Variants in RPS6KB2 observed in about 807,000 individuals in gnomAD.
RPS6KB2 encodes ribosomal protein S6 kinase B2.
A neutral mutation model predicts 58.2 loss-of-function variants in RPS6KB2; 51 were observed. That is an observed-to-expected ratio of 0.88 (90% confidence interval 0.70 to 1.11). The LOEUF is 1.11. Among genes scored for constraint, RPS6KB2 ranks in the 50% least tolerant of loss-of-function variants. The pLI is 0.00. For synonymous variants in RPS6KB2, 293 were observed against 258.6 expected, an observed-to-expected ratio of 1.13 and a Z score of -1.28; for missense variants, 671 against 655.8, an observed-to-expected ratio of 1.02 and a Z score of -0.25.
chr11:67,429,003 T>A lies in RPS6KB2; in HGVS notation c.100T>A (p.Leu34Met). 6.2e-7 allele frequency: 1 copy of A among 1,613,608 alleles called. No homozygotes were observed. The highest frequency in any genetic ancestry group is 8.5e-7 in the Non-Finnish European group (1 of 1,179,886). ...SPADACPLAELRAAGLEPVGH... is the reference protein window; with the variant it reads ...SPADACPLAEMRAAGLEPVGH... ...ACAGGACGCATGTCCCCTTGCCGAG[T>A]TGAGGGCAGCTGGCCTAGAGTGAGT... The change falls in exon 2 of 15, where the codon TTG becomes ATG. Residue 34 changes from leucine to methionine, a missense_variant. Transcript: ENST00000312629.
At chr11:67,433,247 C>A (rs1565147429) in intron 9 of RPS6KB2, 31 bp downstream of exon 9, 3 of 1,606,218 alleles carry the variant, frequency 1.9e-6, no homozygotes, top group Non-Finnish European at 2.5e-6. Context: ...GGAGGAGGGG[C>A]AGGGGCAGAG....
chr11:67,434,342 C>A (rs982475252), intron 12 of RPS6KB2, 35 bp from the exon 13 acceptor site: 1 of 1,608,402 alleles, frequency 6.2e-7, no homozygotes, highest in East Asian at 2.2e-5. Context: ...CATCTTGGTG[C>A]CCTCTGACCC....
At position 67,429,224 on chromosome 11, in the gene RPS6KB2, A is replaced by AG; in HGVS notation, c.230dup (p.Tyr78LeufsTer42). On this transcript the variant is annotated frameshift_variant, in exon 3 of 15. Transcript: ENST00000312629. LOFTEE classifies it high-confidence loss of function. ...TTTGAGCTGCTGCGTGTGCTGGGCA[A>AG]GGGGGGCTATGGCAAGGTAGGGGCG... 3 of 1,613,362 alleles carry AG rather than the reference A, an allele frequency of 1.9e-6. No homozygotes were observed. The highest frequency in any genetic ancestry group is 8.5e-7 in the Non-Finnish European group (1 of 1,179,996).
At chr11:67,433,301 G>A in intron 9 of RPS6KB2, 39 bp from the exon 10 acceptor site, 2 of 1,603,890 alleles carry the variant, frequency 1.2e-6, no homozygotes, top group Non-Finnish European at 1.7e-6. Flanking sequence ...GGCCTGGTGG[G>A]AGGCCCACAA....
At position 67,433,456 on chromosome 11, in the gene RPS6KB2, C is replaced by T. The variant is rs780784755; in HGVS notation, c.906+9C>T. Reference sequence around the variant, plus strand: ...GGGACCTTGTCAAAAAGGTGCAGCTCCCTTCTCTCTTCTCCGGGGCCCTGC... The same window carrying T: ...GGGACCTTGTCAAAAAGGTGCAGCTTCCTTCTCTCTTCTCCGGGGCCCTGC... On this transcript the variant is annotated intron_variant, in intron 10 of 14. Transcript: ENST00000312629. 1.9e-6 allele frequency: 3 copies of T among 1,591,896 alleles called. No homozygotes were observed. Among genetic ancestry groups the T allele is most frequent in the Non-Finnish European group, 2.6e-6 (3 of 1,159,844 alleles).
rs753125285 is a variant in RPS6KB2 at position 67,432,626 on chromosome 11, C to T, written c.484C>T (p.Arg162Ter). The change falls in exon 6 of 15, where the codon CGA becomes TGA. Residue 162 changes from arginine to a stop codon, truncating the protein, a stop_gained. Transcript: ENST00000312629. LOFTEE classifies it high-confidence loss of function. ...TGGCGAGCTCTTCACGCATCTGGAG[C>T]GAGAGGGCATCTTCCTGGAAGATAC... ...SGGELFTHLE[R>*]EGIFLEDTAC... 3.7e-5 allele frequency: 60 copies of T among 1,614,054 alleles called. No individual in the cohort carries two copies. The South Asian group carries it at 5.3e-4, about 14-fold the overall frequency.
At position 67,429,242 on chromosome 11, in the gene RPS6KB2, T is replaced by C. The variant is rs1226827206; in HGVS notation, c.240+2T>C. 1 of 1,612,518 alleles carries C rather than the reference T, an allele frequency of 6.2e-7. No homozygotes were observed. The highest frequency in any genetic ancestry group is 8.5e-7 in the Non-Finnish European group (1 of 1,179,952). ...CTGGGCAAGGGGGGCTATGGCAAGG[T>C]AGGGGCGGGCGCACCCTCCTCCTGG... On this transcript the variant is annotated splice_donor_variant, in intron 3 of 14. Coordinates refer to ENST00000312629, the MANE Select transcript of RPS6KB2 (RefSeq NM_003952.3). LOFTEE classifies it high-confidence loss of function.
chr11:67,431,534 G>A lies in RPS6KB2; in HGVS notation c.457+19G>A, dbSNP rs755012300. On this transcript the variant is annotated intron_variant, in intron 5 of 14. Coordinates refer to ENST00000312629, the MANE Select transcript of RPS6KB2 (RefSeq NM_003952.3). ...CTCAGTGGTATGAGTGCGGGCCCAGGCAGGGGTGCTGGGGGTCGCGGGGGG... is the reference window on the plus strand; with the variant it reads ...CTCAGTGGTATGAGTGCGGGCCCAGACAGGGGTGCTGGGGGTCGCGGGGGG... The A allele has an allele frequency of 5.0e-6, 8 of 1,611,352 alleles. No homozygotes were observed. Among genetic ancestry groups the A allele is most frequent in the Non-Finnish European group, 5.1e-6 (6 of 1,178,114 alleles).
At chr11:67,434,333 A>C (rs770382315) in intron 12 of RPS6KB2, 44 bp from the exon 13 acceptor site, 1 of 1,610,264 alleles carries the variant, frequency 6.2e-7, no homozygotes, top group East Asian at 2.2e-5. Flanking sequence ...GAGAACCTGC[A>C]TCTTGGTGCC....
intron 14 of RPS6KB2, 123 bp downstream of exon 14, chr11:67,434,817 C>A (rs976679062): frequency 1.5e-5 from 15 of 997,372 alleles, no homozygotes; most frequent in African/African-American, 4.9e-5. Flanking sequence ...CTGTGTCTAT[C>A]ATGGGGACCT....
chr11:67,434,451 AG>A lies in RPS6KB2; in HGVS notation c.1123del (p.Ala375ProfsTer119), dbSNP rs1565148830. ...CGCCGGTGGACAGTCCTGATGACAC[AG>A]CCCTCAGCGAGAGTGCCAACCAGGC... Reference protein sequence around the residue: ...QTPVDSPDDTALSESANQAFL... With the variant: ...QTPVDSPDDTXLSESANQAFL... On this transcript the variant is annotated frameshift_variant, in exon 13 of 15. Transcript: ENST00000312629. LOFTEE classifies it high-confidence loss of function. 1 of 1,612,816 alleles carries A rather than the reference AG, an allele frequency of 6.2e-7. No individual in the cohort carries two copies. The highest frequency in any genetic ancestry group is 2.2e-5 in the East Asian group (1 of 44,888).
chr11:67,431,998 G>A (rs1864038176), intron 5 of RPS6KB2: 1 of 292,312 alleles, frequency 3.4e-6, no homozygotes, highest in Non-Finnish European at 6.7e-6. Context: ...GACTGCTGAG[G>A]TCATAGAGCC....
chr11:67,432,946 C>T lies in RPS6KB2; in HGVS notation c.617-6C>T, dbSNP rs774797981. The T allele has an allele frequency of 1.2e-6, 2 of 1,613,284 alleles. No homozygotes were observed. The highest frequency in any genetic ancestry group is 1.3e-5 in the African/African-American group (1 of 75,060). On this transcript the variant is annotated splice_polypyrimidine_tract_variant and splice_region_variant and intron_variant, in intron 7 of 14. Transcript: ENST00000312629. ...CTGGTCACGCCTCTCCAACACCCTTCCTCAGGCCACATCAAACTGACCGAC... is the reference window on the plus strand; with the variant it reads ...CTGGTCACGCCTCTCCAACACCCTTTCTCAGGCCACATCAAACTGACCGAC...
Position 67,432,851 on chromosome 11 carries a change from T to A in RPS6KB2, c.616+14T>A. 1 of 1,612,338 alleles carries A rather than the reference T, an allele frequency of 6.2e-7. No homozygotes were observed. Among genetic ancestry groups the A allele is most frequent in the Non-Finnish European group, 8.5e-7 (1 of 1,178,918 alleles). ...TCAGCAGCCAGGGTGCGCATGTGTGTGCGGGCAGCTGCAGGCGGGGTCTGC... is the reference window on the plus strand; with the variant it reads ...TCAGCAGCCAGGGTGCGCATGTGTGAGCGGGCAGCTGCAGGCGGGGTCTGC... On this transcript the variant is annotated intron_variant, in intron 7 of 14. Coordinates refer to ENST00000312629, the MANE Select transcript of RPS6KB2 (RefSeq NM_003952.3).
At position 67,435,164 on chromosome 11, in the gene RPS6KB2, C is replaced by G; in HGVS notation, c.1444C>G (p.Arg482Gly). The G allele has an allele frequency of 2.5e-6, 4 of 1,572,274 alleles. No homozygotes were observed. Among genetic ancestry groups the G allele is most frequent in the Non-Finnish European group, 3.4e-6 (4 of 1,163,612 alleles). The change falls in exon 15 of 15, where the codon CGC (arginine) becomes GGC (glycine). Residue 482 changes from arginine to glycine, a missense_variant. Transcript: ENST00000312629. ...KSKRGRGRPG[R>G] Reference sequence around the variant, plus strand: ...CAAGAGGGGCCGTGGGCGTCCAGGGCGCTAGGAAGCCGGGTGGGGGTGAGG... The same window carrying G: ...CAAGAGGGGCCGTGGGCGTCCAGGGGGCTAGGAAGCCGGGTGGGGGTGAGG...
At position 67,435,098 on chromosome 11, in the gene RPS6KB2, G is replaced by A. The variant is rs369452492; in HGVS notation, c.1378G>A (p.Ala460Thr). 21 of 1,608,492 alleles carry A rather than the reference G, an allele frequency of 1.3e-5. No individual in the cohort carries two copies. The highest frequency in any genetic ancestry group is 6.7e-5 in the African/African-American group (5 of 74,868). The change falls in exon 15 of 15, where the codon GCC (alanine) becomes ACC (threonine). Residue 460 changes from alanine (A) to threonine (T), a missense_variant. By Grantham distance (58) the Ala-to-Thr change is moderately conservative. Coordinates refer to ENST00000312629, the MANE Select transcript of RPS6KB2 (RefSeq NM_003952.3). ...LLPPPPPSTT[A>T]PLPIRPPSGT... is the part of the protein sequence containing the mutation. Reference sequence around the variant, plus strand: ...GCCACCGCCGCCGCCCTCGACCACCGCCCCTCTCCCCATCCGTCCCCCCTC... The same window carrying A: ...GCCACCGCCGCCGCCCTCGACCACCACCCCTCTCCCCATCCGTCCCCCCTC...
Position 67,432,498 on chromosome 11 carries a change from G to A in RPS6KB2, c.458-102G>A, listed in dbSNP as rs1864059740. Reference sequence around the variant, plus strand: ...ACGGCAGCTCTGTGAGGCAGGTAGGGCGGGAATTATGAGCCCCTCTTTCCC... The same window carrying A: ...ACGGCAGCTCTGTGAGGCAGGTAGGACGGGAATTATGAGCCCCTCTTTCCC... On this transcript the variant is annotated intron_variant, in intron 5 of 14. Transcript: ENST00000312629. 6 of 1,247,738 alleles carry A rather than the reference G, an allele frequency of 4.8e-6. No homozygotes were observed. In the Admixed American group the frequency reaches 1.0e-4, roughly 22 times the overall value. The allele number at this position is 1,247,738 out of a possible 1,614,324, so 77.3% of individuals were successfully genotyped here. A position where few individuals can be genotyped will look rare whatever the true frequency, so the allele number is the denominator to read the frequency against.
At chr11:67,434,758 AGCCTTGGGT>A in intron 14 of RPS6KB2, 64 bp downstream of exon 14, 1 of 1,337,658 alleles carries the variant, frequency 7.5e-7, no homozygotes, top group Non-Finnish European at 1.0e-6. Context: ...TGCCAGCTCC[AGCCTTGGGT>A]GCCTTGGCCA....
chr11:67,429,116 G>A lies in RPS6KB2; in HGVS notation c.120-4G>A, dbSNP rs759623354. 3 of 1,613,870 alleles carry A rather than the reference G, an allele frequency of 1.9e-6. No homozygotes were observed. The highest frequency in any genetic ancestry group is 1.7e-5 in the Admixed American group (1 of 59,996). On this transcript the variant is annotated splice_region_variant and splice_polypyrimidine_tract_variant and intron_variant, in intron 2 of 14. Coordinates refer to ENST00000312629, the MANE Select transcript of RPS6KB2 (RefSeq NM_003952.3). ...TTGTCCTCATTAACTCCTTGTGTCCGTAGGCCTGTGGGACACTATGAAGAG... is the reference window on the plus strand; with the variant it reads ...TTGTCCTCATTAACTCCTTGTGTCCATAGGCCTGTGGGACACTATGAAGAG...
Sources: gnomAD v4.1 joint callset for allele counts on GRCh38, gnomAD v4.1.1 for gene constraint, MANE v1.5 for transcripts, NCBI Gene and HGNC (gene_info 2026-07-23, HGNC 2026-07-21) for gene names.